The following PEBP4 variants were observed in gnomAD, a reference collection of about 807,000 sequenced individuals.
The protein encoded by PEBP4 is phosphatidylethanolamine binding protein 4.
Under a neutral mutation model 23.9 loss-of-function variants are expected in PEBP4, and 22 were observed. That is an observed-to-expected ratio of 0.92 (90% confidence interval 0.66 to 1.31). PEBP4 has a LOEUF of 1.31. PEBP4 is among the 40% of genes most tolerant of loss of function. PEBP4 has a pLI of 0.00. For synonymous variants in PEBP4, 112 were observed against 99.3 expected, an observed-to-expected ratio of 1.13 and a Z score of -0.76; for missense variants, 324 against 281.7, an observed-to-expected ratio of 1.15 and a Z score of -1.07.
intron 4 of PEBP4, among the ~76,000 whole-genome samples, chr8:22,815,930 C>T (rs754587700): frequency 2.6e-5 from 4 of 152,220 alleles, no homozygotes; most frequent in African/African-American, 9.6e-5. Flanking sequence ...CCCACCCTAA[C>T]TGCTTTTGCA....
At chr8:22,832,223 G>A (rs980692571) in intron 3 of PEBP4, among the ~76,000 whole-genome samples, 2 of 152,176 alleles carry the variant, frequency 1.3e-5, no homozygotes, top group Non-Finnish European at 2.9e-5. Flanking sequence ...ATGTGTGGAA[G>A]CCCTACTTCC....
intron 4 of PEBP4, among the ~76,000 whole-genome samples, chr8:22,736,554 A>G (rs1804864115): frequency 6.6e-6 from 1 of 152,190 alleles, no homozygotes; most frequent in East Asian, 1.9e-4. Flanking sequence ...GTAGTGAGCT[A>G]TATTGTTGCA....
chr8:22,878,855 G>A (rs1272347188), intron 3 of PEBP4, among the ~76,000 whole-genome samples: 7 of 152,162 alleles, frequency 4.6e-5, no homozygotes, highest in Admixed American at 6.5e-5. Context: ...AAGCCACCAC[G>A]GGCAGACCCT....
chr8:22,764,017 C>A lies in PEBP4; in HGVS notation c.358-36797G>T, dbSNP rs1311445915. ...GCTTCTCTTCCCCAGGGGAAACGCT[C>A]ATCAGTTTCTTCACATATTCCTCAC... is the stretch of plus-strand genomic sequence containing the variant. On this transcript the variant is annotated intron_variant, in intron 4 of 6. Transcript: ENST00000256404. Among the ~76,000 whole-genome samples, 4 of 152,150 alleles carry A rather than the reference C, an allele frequency of 2.6e-5. No individual in the cohort carries two copies. In the East Asian group the frequency reaches 7.7e-4, roughly 29 times the overall value.
In PEBP4 at chr8:22,831,400, G is replaced by A. The variant is rs1459011863; in HGVS notation, c.259-13665C>T. On this transcript the variant is annotated intron_variant, in intron 3 of 6. Transcript: ENST00000256404. ...TGCTTGCCATTATATTCCCAGTAGAGTACAGTGTCTGCACACAGTAGACAC... is the reference window on the plus strand; with the variant it reads ...TGCTTGCCATTATATTCCCAGTAGAATACAGTGTCTGCACACAGTAGACAC... Among the ~76,000 whole-genome samples, 3 of 152,108 alleles carry A rather than the reference G, an allele frequency of 2.0e-5. No individual in the cohort carries two copies. The East Asian group carries it at 5.8e-4, about 29-fold the overall frequency.
At chr8:22,790,796 C>CT (rs935426324) in intron 4 of PEBP4, among the ~76,000 whole-genome samples, 4 of 152,002 alleles carry the variant, frequency 2.6e-5, no homozygotes, top group African/African-American at 9.7e-5. Context: ...ATAAAAAGGG[C>CT]TTTTTGGCTA....
intron 4 of PEBP4, among the ~76,000 whole-genome samples, chr8:22,734,722 G>A (rs887927318): frequency 1.5e-4 from 23 of 152,170 alleles, no homozygotes; most frequent in African/African-American, 5.3e-4. Flanking sequence ...AGATTTTGGG[G>A]CCTTGAGGGA....
At chr8:22,810,571 A>G (rs1806597505) in intron 4 of PEBP4, among the ~76,000 whole-genome samples, 1 of 151,912 alleles carries the variant, frequency 6.6e-6, no homozygotes, top group Non-Finnish European at 1.5e-5. Flanking sequence ...GGCTTTGCCC[A>G]TGAAGGAGTG....
intron 3 of PEBP4, among the ~76,000 whole-genome samples, chr8:22,823,574 C>T (rs1217337142): frequency 6.6e-6 from 1 of 151,470 alleles, no homozygotes; most frequent in Non-Finnish European, 1.5e-5. Flanking sequence ...GATATATTTG[C>T]ATATGCATAG....
intron 2 of PEBP4, among the ~76,000 whole-genome samples, chr8:22,923,805 T>G (rs901442117): frequency 6.6e-6 from 1 of 152,106 alleles, no homozygotes. Flanking sequence ...CCTTCCCCCA[T>G]GTGAAGTCGC....
chr8:22,808,485 G>C (rs1806549222), intron 4 of PEBP4, among the ~76,000 whole-genome samples: 1 of 152,190 alleles, frequency 6.6e-6, no homozygotes, highest in Non-Finnish European at 1.5e-5. Context: ...TGCTCTCCAG[G>C]AACTCATGGT....
intron 4 of PEBP4, among the ~76,000 whole-genome samples, chr8:22,733,235 A>G (rs1413405801): frequency 6.6e-6 from 1 of 152,134 alleles, no homozygotes; most frequent in Non-Finnish European, 1.5e-5. Flanking sequence ...TTTGTGACCT[A>G]TGAGACGCTC....
chr8:22,909,589 A>G (rs1237258938), intron 3 of PEBP4, among the ~76,000 whole-genome samples: 1 of 152,080 alleles, frequency 6.6e-6, no homozygotes, highest in East Asian at 1.9e-4. Context: ...GCTTCTTCCC[A>G]GGGCCTGGAG....
intron 4 of PEBP4, among the ~76,000 whole-genome samples, chr8:22,777,599 T>G (rs1805838435): frequency 6.6e-6 from 1 of 152,126 alleles, no homozygotes; most frequent in Non-Finnish European, 1.5e-5. Flanking sequence ...CTGCTCTAGC[T>G]CCATCGGATA....
chr8:22,874,685 G>A (rs542255327), intron 3 of PEBP4, among the ~76,000 whole-genome samples: 3 of 152,238 alleles, frequency 2.0e-5, no homozygotes, highest in South Asian at 2.1e-4. Flanking sequence ...GGCAAAGTGC[G>A]ACAATGTAAA....
intron 6 of PEBP4, among the ~76,000 whole-genome samples, chr8:22,721,513 C>T (rs867368662): frequency 3.3e-5 from 5 of 152,126 alleles, no homozygotes; most frequent in Admixed American, 1.3e-4. Context: ...TCCTTCTTCA[C>T]CCTAAGCCTG....
chr8:22,753,035 A>G (rs1017393567), intron 4 of PEBP4, among the ~76,000 whole-genome samples: 3 of 152,158 alleles, frequency 2.0e-5, no homozygotes, highest in African/African-American at 7.2e-5. Flanking sequence ...GGTTAATCAG[A>G]TTCCTCACTT....
intron 4 of PEBP4, among the ~76,000 whole-genome samples, chr8:22,737,279 G>A (rs568175016): frequency 1.6e-5 from 2 of 125,128 alleles, no homozygotes; most frequent in East Asian, 5.0e-4. Context: ...GGGCAATAGA[G>A]TTGAGACTCC....
chr8:22,735,081 G>A (rs559711984), intron 4 of PEBP4, among the ~76,000 whole-genome samples: 16 of 152,336 alleles, frequency 1.1e-4, no homozygotes, highest in African/African-American at 3.6e-4. Flanking sequence ...CTGAGGAATG[G>A]TAGCTGGTGA....
Sources: allele counts gnomAD v4.1 joint callset (sites outside exome capture counted in the v4.1 genomes callset), GRCh38; gene constraint gnomAD v4.1.1; transcripts MANE v1.5; gene names NCBI Gene and HGNC (gene_info 2026-07-23, HGNC 2026-07-21).